The following GABRB3 variants were observed in gnomAD, a reference collection of about 807,000 sequenced individuals.
GABRB3 encodes gamma-aminobutyric acid receptor subunit beta-3.
In GABRB3, 14 loss-of-function variants were observed where a neutral mutation model predicts 52.1. The observed-to-expected ratio is 0.27, with a 90% CI of 0.18 to 0.42. GABRB3 has a LOEUF of 0.42. Among genes scored for constraint, GABRB3 ranks in the 10% least tolerant of loss-of-function variants. The pLI, the probability that GABRB3 is intolerant of heterozygous loss-of-function variation, is 1.00. For synonymous variants in GABRB3, 260 were observed against 232.3 expected, an observed-to-expected ratio of 1.12 and a Z score of -1.08; for missense variants, 307 against 609.1, an observed-to-expected ratio of 0.50 and a Z score of 5.22.
chr15:26,650,163 T>C (rs1304071734), intron 3 of GABRB3, among the ~76,000 whole-genome samples: 2 of 152,172 alleles, frequency 1.3e-5, no homozygotes, highest in African/African-American at 4.8e-5. Context: ...CCCTGTTGGG[T>C]GCTTCATGTA....
At chr15:26,672,766 C>T (rs1887938824) in intron 3 of GABRB3, among the ~76,000 whole-genome samples, 1 of 152,110 alleles carries the variant, frequency 6.6e-6, no homozygotes, top group African/African-American at 2.4e-5. Context: ...TGGGCTCAAA[C>T]ATCATGATCA....
At chr15:26,583,850 C>G (rs887714079) in intron 4 of GABRB3, among the ~76,000 whole-genome samples, 4 of 151,130 alleles carry the variant, frequency 2.6e-5, no homozygotes, top group African/African-American at 9.7e-5. Context: ...TCTCAGATCA[C>G]TGCAAGCTCC....
chr15:26,734,869 T>C (rs1292424741), intron 3 of GABRB3, among the ~76,000 whole-genome samples: 1 of 152,124 alleles, frequency 6.6e-6, no homozygotes, highest in African/African-American at 2.4e-5. Context: ...TGAGCTGTGA[T>C]TGTGCCACTG....
At chr15:26,606,393 A>G (rs1158176937) in intron 4 of GABRB3, among the ~76,000 whole-genome samples, 1 of 152,146 alleles carries the variant, frequency 6.6e-6, no homozygotes. Flanking sequence ...CGGGACCAAA[A>G]TATCTCATGT....
At chr15:26,770,097 A>C (rs1477137630) in intron 3 of GABRB3, among the ~76,000 whole-genome samples, 1 of 152,230 alleles carries the variant, frequency 6.6e-6, no homozygotes, top group African/African-American at 2.4e-5. Flanking sequence ...TCCTTTAGGA[A>C]CAGGTGAAAT....
At chr15:26,681,908 T>C (rs1175475535) in intron 3 of GABRB3, among the ~76,000 whole-genome samples, 3 of 152,120 alleles carry the variant, frequency 2.0e-5, no homozygotes, top group Non-Finnish European at 2.9e-5. Flanking sequence ...CAGTGAGCTA[T>C]GACTGAGCCA....
intron 3 of GABRB3, among the ~76,000 whole-genome samples, chr15:26,762,725 C>T (rs201859559): frequency 7.2e-5 from 11 of 152,184 alleles, no homozygotes; most frequent in Admixed American, 3.3e-4. Flanking sequence ...TTCTATAGGA[C>T]GGTGTTCTCT....
At chr15:26,710,010 C>A (rs1742320143) in intron 3 of GABRB3, among the ~76,000 whole-genome samples, 1 of 152,132 alleles carries the variant, frequency 6.6e-6, no homozygotes, top group South Asian at 2.1e-4. Flanking sequence ...ATAGTTTTGC[C>A]TTTCTTATAT....
chr15:26,645,615 C>T (rs767523803), intron 3 of GABRB3, among the ~76,000 whole-genome samples: 2 of 152,100 alleles, frequency 1.3e-5, no homozygotes, highest in Non-Finnish European at 2.9e-5. Context: ...TTGTCTGGAC[C>T]AGCTTAATGG....
intron 7 of GABRB3, among the ~76,000 whole-genome samples, chr15:26,564,043 A>T (rs1469228921): frequency 1.3e-5 from 2 of 152,150 alleles, no homozygotes; most frequent in Non-Finnish European, 2.9e-5. Context: ...ACTTTTGCAG[A>T]TTGAGCATCT....
chr15:26,737,525 C>T (rs1462501935), intron 3 of GABRB3, among the ~76,000 whole-genome samples: 4 of 152,066 alleles, frequency 2.6e-5, no homozygotes, highest in Non-Finnish European at 5.9e-5. Flanking sequence ...GAAGATAGAA[C>T]ATTTGAAAAA....
At chr15:26,629,503 C>CT (rs1158701650) in intron 3 of GABRB3, among the ~76,000 whole-genome samples, 2 of 152,228 alleles carry the variant, frequency 1.3e-5, no homozygotes, top group East Asian at 3.9e-4. Flanking sequence ...AATGTGTTGG[C>CT]AGGAGGAGGA....
At chr15:26,667,273 C>T (rs545933116) in intron 3 of GABRB3, among the ~76,000 whole-genome samples, 1 of 152,280 alleles carries the variant, frequency 6.6e-6, no homozygotes, top group Non-Finnish European at 1.5e-5. Flanking sequence ...AGCAGCAGAG[C>T]CTCCCAGGAC....
intron 3 of GABRB3, among the ~76,000 whole-genome samples, chr15:26,665,023 A>C (rs185592453): frequency 1.3e-5 from 2 of 152,180 alleles, no homozygotes; most frequent in East Asian, 3.9e-4. Context: ...CACTAGGAAC[A>C]TTCCAATTCT....
intron 8 of GABRB3, among the ~76,000 whole-genome samples, chr15:26,553,199 G>A (rs1460573266): frequency 2.0e-5 from 3 of 152,182 alleles, no homozygotes; most frequent in Non-Finnish European, 1.5e-5. Flanking sequence ...CACCCAGGCT[G>A]GAGTGCAGTG....
At chr15:26,624,189 G>A (rs776963998) in intron 3 of GABRB3, 24 of 985,170 alleles carry the variant, frequency 2.4e-5, no homozygotes, top group Middle Eastern at 5.2e-4. Context: ...GGCATATTCC[G>A]CCCCTTCATC....
At chr15:26,551,759 A>AGT (rs1229475977) in intron 8 of GABRB3, among the ~76,000 whole-genome samples, 2 of 152,132 alleles carry the variant, frequency 1.3e-5, no homozygotes, top group Non-Finnish European at 2.9e-5. Flanking sequence ...GTTGTCAGAT[A>AGT]GTGACCTCAT....
intron 4 of GABRB3, among the ~76,000 whole-genome samples, chr15:26,588,741 T>A (rs1230347344): frequency 6.6e-6 from 1 of 152,218 alleles, no homozygotes; most frequent in Admixed American, 6.5e-5. Context: ...ATTAGATATG[T>A]CAAATTGGAA....
intron 3 of GABRB3, among the ~76,000 whole-genome samples, chr15:26,757,287 C>T (rs1890689532): frequency 6.6e-6 from 1 of 152,176 alleles, no homozygotes; most frequent in South Asian, 2.1e-4. Flanking sequence ...CCTTTCTTCA[C>T]TCCTGCCCTG....
Sources: gnomAD v4.1 joint callset for allele counts (sites outside exome capture counted in the v4.1 genomes callset) on GRCh38, gnomAD v4.1.1 for gene constraint, MANE v1.5 for transcripts, NCBI Gene and HGNC (gene_info 2026-07-23, HGNC 2026-07-21) for gene names.